Variants in MACF1 observed in about 807,000 individuals in gnomAD.
MACF1 encodes microtubule-actin cross-linking factor 1.
A neutral mutation model predicts 854.8 loss-of-function variants in MACF1; 193 were observed. The observed-to-expected ratio is 0.23, with a 90% CI of 0.20 to 0.25. MACF1 has a LOEUF of 0.25. Ranked by LOEUF, MACF1 falls within the 10% of genes least tolerant of loss-of-function variation. The pLI is 1.00. For missense variants in MACF1, 7,722 were observed against 8,929.1 expected, an observed-to-expected ratio of 0.86 and a Z score of 5.45; for synonymous variants, 3,185 against 3,226.7, an observed-to-expected ratio of 0.99 and a Z score of 0.44.
chr1:39,368,097 T>A, intron 49 of MACF1, 51 bp from the exon 50 acceptor site: 1 of 1,485,716 alleles, frequency 6.7e-7, no homozygotes, highest in Non-Finnish European at 9.3e-7. Flanking sequence ...CTTTTTAGAG[T>A]ATATTTATAA....
At chr1:39,228,802 C>T (rs1339275084) in intron 1 of MACF1, among the ~76,000 whole-genome samples, 1 of 152,106 alleles carries the variant, frequency 6.6e-6, no homozygotes, top group Non-Finnish European at 1.5e-5. Flanking sequence ...TGCAGGCATG[C>T]GCCACCATGT....
chr1:39,444,516 G>A (rs987258672), intron 79 of MACF1, 146 bp from the exon 80 acceptor site: 3 of 551,730 alleles, frequency 5.4e-6, no homozygotes, highest in African/African-American at 3.7e-5. Flanking sequence ...TTCCCTTATG[G>A]CTCAGCACTT....
chr1:39,382,690 A>AG (rs989700150), intron 56 of MACF1, among the ~76,000 whole-genome samples: 4 of 140,430 alleles, frequency 2.8e-5, no homozygotes, highest in African/African-American at 1.3e-4. Context: ...TCAAAAAAAA[A>AG]AAAAATTTTT....
At chr1:39,203,247 A>C (rs1644413747), upstream of MACF1, among the ~76,000 whole-genome samples, 1 of 152,226 alleles carries the variant, frequency 6.6e-6, no homozygotes, top group African/African-American at 2.4e-5. Context: ...TCAAATAAAA[A>C]GGCTGTAGTG....
chr1:39,194,342 TTTTCTTTTC>T (rs199633602), intron 2 of MACF1, among the ~76,000 whole-genome samples: 5,140 of 73,646 alleles, frequency 0.07, 167 homozygotes, highest in East Asian at 0.11. Flanking sequence ...TTTTCTTTTC[TTTTCTTTTC>T]TTTTTTTTTT....
At chr1:39,147,156 C>T (rs1643484580) in intron 2 of MACF1, among the ~76,000 whole-genome samples, 1 of 148,250 alleles carries the variant, frequency 6.7e-6, no homozygotes, top group East Asian at 2.0e-4. Context: ...CCCTTTTTCC[C>T]ATTCCCCTTT....
At chr1:39,182,556 C>T (rs1301512454) in intron 2 of MACF1, among the ~76,000 whole-genome samples, 1 of 152,044 alleles carries the variant, frequency 6.6e-6, no homozygotes, top group Non-Finnish European at 1.5e-5. Context: ...TTTATATAGC[C>T]ATTTCTTCAA....
chr1:39,146,939 A>G lies in MACF1; in HGVS notation c.220+62501A>G, dbSNP rs1271756253. Among the ~76,000 whole-genome samples the G allele has an allele frequency of 2.6e-5, 4 of 152,304 alleles. No homozygotes were observed. The East Asian group carries it at 5.8e-4, about 22-fold the overall frequency. On this transcript the variant is annotated intron_variant, in intron 2 of 93. Coordinates refer to the MACF1 transcript ENST00000361689. Reference sequence around the variant, plus strand: ...GTATACATTGCATGCCTGTATGAAAATATCTCATGTAACCCATAAATATAT... The same window carrying G: ...GTATACATTGCATGCCTGTATGAAAGTATCTCATGTAACCCATAAATATAT...
chr1:39,403,391 G>C (rs190286697), intron 58 of MACF1, among the ~76,000 whole-genome samples: 2 of 152,230 alleles, frequency 1.3e-5, no homozygotes, highest in Admixed American at 6.5e-5. Context: ...GAGCCACCAC[G>C]CCTGGCCCAA....
chr1:39,291,868 C>G, intron 15 of MACF1, 42 bp from the exon 16 acceptor site: 1 of 1,587,262 alleles, frequency 6.3e-7, no homozygotes. Context: ...TCCTACCAAG[C>G]CAGCAGTAAA....
intron 2 of MACF1, among the ~76,000 whole-genome samples, chr1:39,236,996 C>T (rs1329270166): frequency 6.6e-6 from 1 of 152,202 alleles, no homozygotes; most frequent in Non-Finnish European, 1.5e-5. Context: ...TACTAGTTGC[C>T]TCTAGAGTTT....
At chr1:39,324,169 T>C (rs1303447857) in intron 33 of MACF1, 24 bp from the exon 34 acceptor site, 1 of 1,577,882 alleles carries the variant, frequency 6.3e-7, no homozygotes, top group Non-Finnish European at 8.6e-7. Context: ...TGCTAGCATA[T>C]TGATTTTCTA....
rs762105650 is a variant in MACF1 at position 39,309,695 on chromosome 1, A to C, written c.2915A>C (p.Lys972Thr). ...CTTGTACAGACCTGGAACCTAGAAA[A>C]GGTAATTATGAAAACCTTACCCCAG... ...LDLVQTWNLE[K>T]LRSSAPGECH... The change falls in exon 24 of 101, where the codon AAG (lysine) becomes ACG (threonine). Residue 972 changes from lysine to threonine, a missense_variant and splice_region_variant. Transcript: ENST00000564288. 3 of 1,609,062 alleles carry C rather than the reference A, an allele frequency of 1.9e-6. No homozygotes were observed. In the South Asian group the frequency reaches 3.3e-5, roughly 18 times the overall value.
At chr1:39,252,605 G>C (rs1220097494) in intron 4 of MACF1, among the ~76,000 whole-genome samples, 1 of 151,656 alleles carries the variant, frequency 6.6e-6, no homozygotes, top group Non-Finnish European at 1.5e-5. Context: ...CCAGAAACAA[G>C]GATTAGGCAA....
chr1:39,085,235 A>C (rs1641642317), intron 2 of MACF1, among the ~76,000 whole-genome samples: 2 of 152,214 alleles, frequency 1.3e-5, no homozygotes, highest in African/African-American at 2.4e-5. Flanking sequence ...GATGCCTTGA[A>C]GGTTAGATGA....
At position 39,336,573 on chromosome 1, in the gene MACF1, A is replaced by G; in HGVS notation, c.9985A>G (p.Ser3329Gly). 1 of 1,614,222 alleles carries G rather than the reference A, an allele frequency of 6.2e-7. No homozygotes were observed. The highest frequency in any genetic ancestry group is 8.5e-7 in the Non-Finnish European group (1 of 1,180,032). ...GGAAAAGCTCAGAGAAAGCCCTGGCAGTGAACAAACTCCCTTCATGACTGC... is the reference window on the plus strand; with the variant it reads ...GGAAAAGCTCAGAGAAAGCCCTGGCGGTGAACAAACTCCCTTCATGACTGC... ...PQEKLRESPG[S>G]EQTPFMTAPE... is the part of the protein sequence containing the mutation. Residue 3329 changes from serine (S) to glycine (G), a missense_variant, in exon 37 of 101, where the codon AGT (serine) becomes GGT (glycine). Physicochemically the swap from Ser to Gly is moderately conservative, Grantham distance 56 (BLOSUM62 0). This residue lies in a region of MACF1 where 854 missense variants were observed against 852.6 expected (regional missense o/e 1.00). Transcript: ENST00000564288.
chr1:39,435,861 A>C (rs1424427000), intron 70 of MACF1, 100 bp downstream of exon 70: 2 of 1,046,090 alleles, frequency 1.9e-6, no homozygotes, highest in Non-Finnish European at 2.8e-6. Context: ...TGTCCAGAGC[A>C]GCATGTTAAT....
chr1:39,421,290 A>G lies in MACF1; in HGVS notation c.15817-1084A>G, dbSNP rs77851396. Among the ~76,000 whole-genome samples the G allele has an allele frequency of 4.8e-3, 732 of 152,318 alleles. 15 individuals are homozygous for G. Among genetic ancestry groups the G allele is most frequent in the East Asian group, 0.038 (197 of 5,190 alleles). The stretch of plus-strand genomic sequence containing the variant: ...AATATACACGTTGCTTGTTACACCT[A>G]TTCACATTGTTTTAAAATTCTGTTG... On this transcript the variant is annotated intron_variant, in intron 58 of 100. Coordinates refer to ENST00000564288, the MANE Select transcript of MACF1 (RefSeq NM_001394062.1).
At chr1:39,274,060 G>C (rs188880534) in intron 6 of MACF1, among the ~76,000 whole-genome samples, 106 of 152,238 alleles carry the variant, frequency 7.0e-4, no homozygotes, top group African/African-American at 2.4e-3. Context: ...ATAGGGGAAG[G>C]GTGAAGTGGG....
Sources: allele counts gnomAD v4.1 joint callset (sites outside exome capture counted in the v4.1 genomes callset), GRCh38; gene constraint gnomAD v4.1.1; regional missense constraint gnomAD v4.1.1; transcripts MANE v1.5; gene names NCBI Gene and HGNC (gene_info 2026-07-23, HGNC 2026-07-21).